Variants in FBN2 observed in about 807,000 individuals in gnomAD.
The protein encoded by FBN2 is fibrillin 2.
In FBN2, 105 loss-of-function variants were observed where a neutral mutation model predicts 355.6. The ratio of observed to expected loss-of-function variants is 0.30; its 90% CI spans 0.25 to 0.35. FBN2 has a LOEUF of 0.35. Ranked by LOEUF, FBN2 falls within the 10% of genes least tolerant of loss-of-function variation. The pLI, the probability that FBN2 is intolerant of heterozygous loss-of-function variation, is 1.00. For missense variants in FBN2, 3,280 were observed against 3,758.7 expected, an observed-to-expected ratio of 0.87 and a Z score of 3.33; for synonymous variants, 1,350 against 1,301.2, an observed-to-expected ratio of 1.04 and a Z score of -0.81.
intron 5 of FBN2, among the ~76,000 whole-genome samples, chr5:128,470,986 C>T: frequency 6.6e-6 from 1 of 151,966 alleles, no homozygotes; most frequent in East Asian, 1.9e-4. Flanking sequence ...CACTTTGGTA[C>T]AGAAAAGAAT....
At chr5:128,416,363 G>A (rs908635605) in intron 7 of FBN2, among the ~76,000 whole-genome samples, 3 of 152,154 alleles carry the variant, frequency 2.0e-5, no homozygotes, top group Non-Finnish European at 4.4e-5. Flanking sequence ...TAACAGGACT[G>A]ACTCTTCACT....
At chr5:128,453,757 G>C (rs779198763) in intron 6 of FBN2, among the ~76,000 whole-genome samples, 3 of 152,024 alleles carry the variant, frequency 2.0e-5, no homozygotes, top group Admixed American at 1.3e-4. Flanking sequence ...AAACGTGTTG[G>C]TTTGAAACTT....
intron 6 of FBN2, among the ~76,000 whole-genome samples, chr5:128,448,328 A>G (rs1205127627): frequency 6.6e-6 from 1 of 150,812 alleles, no homozygotes; most frequent in Non-Finnish European, 1.5e-5. Context: ...TTTTTAGACC[A>G]AGTTTTGCTC....
At chr5:128,472,146 C>T (rs1349396715) in intron 5 of FBN2, among the ~76,000 whole-genome samples, 4 of 152,102 alleles carry the variant, frequency 2.6e-5, no homozygotes, top group Admixed American at 1.3e-4. Context: ...TAACAAAATA[C>T]GGTATATACA....
intron 7 of FBN2, among the ~76,000 whole-genome samples, chr5:128,409,933 G>C (rs936016466): frequency 6.6e-6 from 1 of 151,964 alleles, no homozygotes; most frequent in Non-Finnish European, 1.5e-5. Context: ...TCCTTTTATT[G>C]GTCTATTCAT....
At chr5:128,438,762 C>T (rs1013595996) in intron 7 of FBN2, among the ~76,000 whole-genome samples, 8 of 152,136 alleles carry the variant, frequency 5.3e-5, no homozygotes, top group African/African-American at 1.9e-4. Context: ...ATAAATGGGT[C>T]TTCCCACCCC....
At chr5:128,509,767 A>T (rs1756062617) in intron 5 of FBN2, among the ~76,000 whole-genome samples, 2 of 152,176 alleles carry the variant, frequency 1.3e-5, no homozygotes, top group African/African-American at 4.8e-5. Context: ...TATTCTCCAC[A>T]GCCAGAGCAG....
Position 128,437,773 on chromosome 5 carries a change from T to TATAG in FBN2, c.952+8704_952+8707dup, listed in dbSNP as rs68027593. 8.6e-3 allele frequency among the ~76,000 whole-genome samples: 1,273 copies of TATAG among 148,232 alleles called. 5 individuals are homozygous for TATAG. The highest frequency in any genetic ancestry group is 0.011 in the African/African-American group (453 of 40,106). On this transcript the variant is annotated intron_variant, in intron 7 of 64. Transcript: ENST00000262464. Reference sequence around the variant, plus strand: ...AATAGATAGATAAATAGTATGTATGTATAGATAGATAGATAGATAGATAGA... The same window carrying TATAG: ...AATAGATAGATAAATAGTATGTATGTATAGATAGATAGATAGATAGATAGATAGA...
rs369426521 is a variant in FBN2 at position 128,270,100 on chromosome 5, T to A, written c.7960+1899A>T. 1.5e-4 allele frequency among the ~76,000 whole-genome samples: 23 copies of A among 152,206 alleles called. No homozygotes were observed. The East Asian group carries it at 2.9e-3, about 19-fold the overall frequency. ...ACAAAAACAAGCAATGGGGAAAGGA[T>A]CTCCTATTCAGTAAATGGTGCTGGG... On this transcript the variant is annotated intron_variant, in intron 62 of 64. Transcript: ENST00000262464.
In FBN2 at chr5:128,317,277, A is replaced by C. The variant is rs369662121; in HGVS notation, c.4717+872T>G. Among the ~76,000 whole-genome samples the C allele has an allele frequency of 2.6e-5, 4 of 152,188 alleles. No individual in the cohort carries two copies. The South Asian group carries it at 8.3e-4, about 31-fold the overall frequency. On this transcript the variant is annotated intron_variant, in intron 36 of 64. Coordinates refer to ENST00000262464, the MANE Select transcript of FBN2 (RefSeq NM_001999.4). ...TAGAATGTAAACACAAAAGCAGAGA[A>C]TGTGCTTGTTCTGTTCACTGTTGCA...
intron 23 of FBN2, among the ~76,000 whole-genome samples, chr5:128,347,303 T>A (rs575856601): frequency 6.6e-6 from 1 of 152,328 alleles, no homozygotes; most frequent in South Asian, 2.1e-4. Flanking sequence ...TCTTTAATAC[T>A]GAGACCTCTA....
At chr5:128,521,736 G>A (rs1756438980) in intron 4 of FBN2, among the ~76,000 whole-genome samples, 1 of 152,160 alleles carries the variant, frequency 6.6e-6, no homozygotes, top group Admixed American at 6.6e-5. Flanking sequence ...CACACTGACT[G>A]TAACACTCAG....
At chr5:128,463,177 T>C (rs368176748) in intron 6 of FBN2, among the ~76,000 whole-genome samples, 129 of 152,124 alleles carry the variant, frequency 8.5e-4, no homozygotes, top group African/African-American at 3.0e-3. Flanking sequence ...GTAATCTGTA[T>C]ACTAAGATGT....
At chr5:128,473,346 C>G (rs1754922759) in intron 5 of FBN2, among the ~76,000 whole-genome samples, 1 of 152,198 alleles carries the variant, frequency 6.6e-6, no homozygotes, top group Admixed American at 6.5e-5. Flanking sequence ...GACAGCAACT[C>G]ATTGTCCCCA....
At position 128,297,143 on chromosome 5, in the gene FBN2, C is replaced by G. The variant is rs553262760; in HGVS notation, c.6166+3674G>C. ...GTTGTTCAGTTTCCATGTAGTTGAGCGGTTTTGAGTGAGATTCTTAATCCT... is the reference window on the plus strand; with the variant it reads ...GTTGTTCAGTTTCCATGTAGTTGAGGGGTTTTGAGTGAGATTCTTAATCCT... On this transcript the variant is annotated intron_variant, in intron 48 of 64. Coordinates refer to ENST00000262464, the MANE Select transcript of FBN2 (RefSeq NM_001999.4). Among the ~76,000 whole-genome samples the G allele has an allele frequency of 2.3e-4, 35 of 152,024 alleles. No individual in the cohort carries two copies. The South Asian group carries it at 6.1e-3, about 26-fold the overall frequency.
chr5:128,517,449 G>A (rs10478814), intron 5 of FBN2, among the ~76,000 whole-genome samples: 24,632 of 151,976 alleles, frequency 0.16, 3,618 homozygotes, highest in African/African-American at 0.39. Flanking sequence ...TTATGCTAAC[G>A]TTTCATAATT....
intron 62 of FBN2, among the ~76,000 whole-genome samples, chr5:128,264,799 T>A (rs1334258419): frequency 2.0e-5 from 3 of 152,166 alleles, no homozygotes; most frequent in Non-Finnish European, 4.4e-5. Flanking sequence ...GAGGACATAG[T>A]ACCTAGTGGG....
intron 6 of FBN2, among the ~76,000 whole-genome samples, chr5:128,454,931 A>G (rs1754343041): frequency 6.6e-6 from 1 of 152,226 alleles, no homozygotes; most frequent in African/African-American, 2.4e-5. Context: ...CTTCTGCTAT[A>G]CCTTCAGTTT....
chr5:128,471,453 A>T (rs1338618784), intron 5 of FBN2, among the ~76,000 whole-genome samples: 1 of 152,196 alleles, frequency 6.6e-6, no homozygotes, highest in Non-Finnish European at 1.5e-5. Context: ...AATAAACTCA[A>T]ATAACTGATA....
Sources: allele counts gnomAD v4.1 joint callset (sites outside exome capture counted in the v4.1 genomes callset), GRCh38; gene constraint gnomAD v4.1.1; transcripts MANE v1.5; gene names NCBI Gene and HGNC (gene_info 2026-07-23, HGNC 2026-07-21).